The following COG5 variants were observed in gnomAD, a reference collection of about 807,000 sequenced individuals.
COG5 encodes conserved oligomeric Golgi complex subunit 5.
Under a neutral mutation model 110.4 loss-of-function variants are expected in COG5, and 86 were observed. The ratio of observed to expected loss-of-function variants is 0.78; its 90% CI spans 0.65 to 0.93. The LOEUF (loss-of-function observed/expected upper bound fraction) is 0.93, where lower values mean the gene tolerates loss of function less well. Ranked by LOEUF, COG5 falls within the 40% of genes least tolerant of loss-of-function variation. The pLI, the probability that COG5 is intolerant of heterozygous loss-of-function variation, is 0.00. For missense variants in COG5, 1,077 were observed against 987.0 expected (o/e 1.09, Z -1.22); for synonymous variants, 360 against 334.6 (o/e 1.08, Z -0.83).
chr7:107,475,646 A>G (rs918181571), intron 6 of COG5: 1 of 270,394 alleles, frequency 3.7e-6, no homozygotes, highest in African/African-American at 2.2e-5. Flanking sequence ...GAATAAATAC[A>G]TAGCCTTAAA....
chr7:107,539,090 C>A (rs771138115), intron 5 of COG5, among the ~76,000 whole-genome samples: 3 of 151,630 alleles, frequency 2.0e-5, no homozygotes, highest in Non-Finnish European at 2.9e-5. Context: ...CAAGCCTGGG[C>A]AACATAGTGA....
At chr7:107,247,407 AAAT>A (rs1802138469) in intron 17 of COG5, among the ~76,000 whole-genome samples, 2 of 152,360 alleles carry the variant, frequency 1.3e-5, no homozygotes, top group South Asian at 2.1e-4. Flanking sequence ...TTTGTAAATG[AAAT>A]AATAAGTTGA....
At chr7:107,410,986 A>G (rs554349542) in intron 7 of COG5, among the ~76,000 whole-genome samples, 2 of 152,368 alleles carry the variant, frequency 1.3e-5, no homozygotes, top group East Asian at 3.9e-4. Flanking sequence ...CCAACGTATG[A>G]GAATAACCAT....
At chr7:107,283,292 C>T (rs890988354) in intron 13 of COG5, among the ~76,000 whole-genome samples, 2 of 152,080 alleles carry the variant, frequency 1.3e-5, no homozygotes, top group South Asian at 2.1e-4. Context: ...AAGAAATTTA[C>T]TATGATACAA....
rs574809606 is a variant in COG5, at chr7:107,401,572, C to T, written c.669+10930G>A. 1.2e-4 allele frequency among the ~76,000 whole-genome samples: 18 copies of T among 152,228 alleles called. No individual in the cohort carries two copies. The South Asian group carries it at 1.7e-3, about 14-fold the overall frequency. On this transcript the variant is annotated intron_variant, in intron 7 of 21. Transcript: ENST00000297135. ...TCATTTGAAGGTCATAAAGGAAATACGCGAGCTCTTACTACATTCATTCTT... is the reference window on the plus strand; with the variant it reads ...TCATTTGAAGGTCATAAAGGAAATATGCGAGCTCTTACTACATTCATTCTT...
chr7:107,271,274 C>A (rs1804247787), intron 14 of COG5, among the ~76,000 whole-genome samples: 2 of 152,102 alleles, frequency 1.3e-5, no homozygotes, highest in Non-Finnish European at 2.9e-5. Flanking sequence ...TTATTCTTGA[C>A]ACTTCTGCAT....
intron 7 of COG5, among the ~76,000 whole-genome samples, chr7:107,405,509 C>T (rs1413239094): frequency 1.3e-5 from 2 of 152,192 alleles, no homozygotes; most frequent in African/African-American, 4.8e-5. Context: ...AAACCTGAAA[C>T]TTGACTTTGT....
chr7:107,209,266 G>A, intron 21 of COG5: 2 of 982,418 alleles, frequency 2.0e-6, no homozygotes, highest in Non-Finnish European at 2.4e-6. Context: ...GAGGAATAAG[G>A]ATGACAGAGG....
intron 19 of COG5, among the ~76,000 whole-genome samples, chr7:107,213,294 T>C (rs1321683759): frequency 6.6e-6 from 1 of 152,024 alleles, no homozygotes; most frequent in African/African-American, 2.4e-5. Context: ...CCCACCACAG[T>C]GCATTTTTTG....
intron 6 of COG5, among the ~76,000 whole-genome samples, chr7:107,476,311 A>AG (rs1453950404): frequency 2.3e-4 from 35 of 151,356 alleles, no homozygotes; most frequent in African/African-American, 8.4e-4. Context: ...AATGAAAAAA[A>AG]AAAGACTTTA....
rs548427956 is a variant in COG5 at position 107,372,831 on chromosome 7, A to G, written c.670-71T>C. 8.2e-6 allele frequency: 12 copies of G among 1,461,468 alleles called. No individual in the cohort carries two copies. In the East Asian group the frequency reaches 9.3e-5, roughly 11 times the overall value. The allele number at this position is 1,461,468 out of a possible 1,614,324, so 90.5% of individuals were successfully genotyped here. The stretch of plus-strand genomic sequence containing the variant: ...ACAAACAAAATCAACATAAATATAC[A>G]ACTTTAAGCAGGACTTCAGCAGTCC... On this transcript the variant is annotated intron_variant, in intron 7 of 21. Coordinates refer to ENST00000297135, the MANE Select transcript of COG5 (RefSeq NM_006348.5).
Position 107,421,556 on chromosome 7 carries a change from C to T in COG5, c.539-8924G>A, listed in dbSNP as rs189304106. 4.4e-3 allele frequency among the ~76,000 whole-genome samples: 674 copies of T among 152,142 alleles called. 8 individuals are homozygous for T. The highest frequency in any genetic ancestry group is 0.015 in the African/African-American group (632 of 41,498). On this transcript the variant is annotated intron_variant, in intron 6 of 21. Coordinates refer to ENST00000297135, the MANE Select transcript of COG5 (RefSeq NM_006348.5). Reference sequence around the variant, plus strand: ...CTGTAATCCCAGCACTTTGGGAGGCCGAGGCAGGCTGATCACTTGAGGTCA... The same window carrying T: ...CTGTAATCCCAGCACTTTGGGAGGCTGAGGCAGGCTGATCACTTGAGGTCA...
intron 6 of COG5, among the ~76,000 whole-genome samples, chr7:107,501,266 G>C (rs989525102): frequency 6.6e-6 from 1 of 151,840 alleles, no homozygotes; most frequent in Non-Finnish European, 1.5e-5. Flanking sequence ...AAGAACTTGA[G>C]AACTATTGGC....
At chr7:107,247,221 A>G (rs1802124366) in intron 17 of COG5, among the ~76,000 whole-genome samples, 1 of 151,390 alleles carries the variant, frequency 6.6e-6, no homozygotes, top group Non-Finnish European at 1.5e-5. Context: ...TCGACTTGAC[A>G]GGGGAGGGTG....
chr7:107,409,930 T>C (rs1792154956), intron 7 of COG5, among the ~76,000 whole-genome samples: 1 of 152,208 alleles, frequency 6.6e-6, no homozygotes, highest in African/African-American at 2.4e-5. Flanking sequence ...AAGAGGGAAC[T>C]GGACGTAATA....
At chr7:107,518,676 T>C (rs1800116726) in intron 6 of COG5, among the ~76,000 whole-genome samples, 1 of 152,086 alleles carries the variant, frequency 6.6e-6, no homozygotes, top group Admixed American at 6.5e-5. Context: ...CTTAGAGACC[T>C]ACAAAGAGAC....
At chr7:107,526,065 T>C (rs1265772142) in intron 6 of COG5, among the ~76,000 whole-genome samples, 2 of 152,210 alleles carry the variant, frequency 1.3e-5, no homozygotes, top group Non-Finnish European at 2.9e-5. Flanking sequence ...CATTACAGCA[T>C]AGCATGACTA....
chr7:107,533,292 G>A (rs1010094886), intron 5 of COG5, among the ~76,000 whole-genome samples: 2 of 151,544 alleles, frequency 1.3e-5, no homozygotes, highest in South Asian at 2.1e-4. Context: ...TCACCAGCAA[G>A]GGAACAAAAG....
rs186641414 is a variant in COG5 at position 107,556,255 on chromosome 7, A to T, written c.234+1721T>A. 2.0e-5 allele frequency among the ~76,000 whole-genome samples: 3 copies of T among 152,220 alleles called. No homozygotes were observed. The East Asian group carries it at 5.8e-4, about 29-fold the overall frequency. ...CCGTCCACTAGCTATTCACCCAACA[A>T]TTTTATAAGCATCCAAACTCTCTGT... On this transcript the variant is annotated intron_variant, in intron 2 of 21. Coordinates refer to ENST00000297135, the MANE Select transcript of COG5 (RefSeq NM_006348.5).
Sources: gnomAD v4.1 joint callset for allele counts (sites outside exome capture counted in the v4.1 genomes callset) on GRCh38, gnomAD v4.1.1 for gene constraint, MANE v1.5 for transcripts, NCBI Gene and HGNC (gene_info 2026-07-23, HGNC 2026-07-21) for gene names.